Variants in LMBRD1 observed in about 807,000 individuals in gnomAD.
LMBRD1 encodes the protein lysosomal cobalamin transport escort protein LMBD1.
Under a neutral mutation model 74.8 loss-of-function variants are expected in LMBRD1, and 64 were observed. That is an observed-to-expected ratio of 0.86 (90% CI 0.70 to 1.05). The LOEUF (loss-of-function observed/expected upper bound fraction) is 1.05, where lower values mean the gene tolerates loss of function less well. LMBRD1 is among the 50% of genes least tolerant of loss of function. The pLI is 0.00. For missense variants in LMBRD1, 652 were observed against 645.9 expected, an observed-to-expected ratio of 1.01 and a Z score of -0.10; for synonymous variants, 204 against 216.3, an observed-to-expected ratio of 0.94 and a Z score of 0.50.
At chr6:69,687,458 T>A (rs1380231763) in intron 14 of LMBRD1, among the ~76,000 whole-genome samples, 1 of 152,204 alleles carries the variant, frequency 6.6e-6, no homozygotes, top group Non-Finnish European at 1.5e-5. Flanking sequence ...GCACCTAGAA[T>A]AGTACCTAGC....
intron 14 of LMBRD1, among the ~76,000 whole-genome samples, chr6:69,679,493 A>G (rs1765618019): frequency 6.6e-6 from 1 of 152,130 alleles, no homozygotes; most frequent in Non-Finnish European, 1.5e-5. Context: ...ATACCATTGG[A>G]GTACTCAAAT....
At chr6:69,708,506 G>A (rs570086320) in intron 9 of LMBRD1, among the ~76,000 whole-genome samples, 1 of 152,222 alleles carries the variant, frequency 6.6e-6, no homozygotes, top group South Asian at 2.1e-4. Flanking sequence ...AAAAGCTTAA[G>A]TAAGAAGTTA....
At chr6:69,708,278 A>G (rs1352343251) in intron 9 of LMBRD1, among the ~76,000 whole-genome samples, 1 of 152,182 alleles carries the variant, frequency 6.6e-6, no homozygotes, top group East Asian at 1.9e-4. Flanking sequence ...GCTTATTTTT[A>G]TAATTGTCTT....
In LMBRD1 at chr6:69,716,985, CACAA is replaced by C. The variant is rs776767909; in HGVS notation, c.762+1967_762+1970del. Among the ~76,000 whole-genome samples, 401 of 151,682 alleles carry C rather than the reference CACAA, an allele frequency of 2.6e-3. 6 individuals carry two copies. Among genetic ancestry groups the C allele is most frequent in the East Asian group, 6.0e-3 (31 of 5,178 alleles). On this transcript the variant is annotated intron_variant, in intron 8 of 15. Transcript: ENST00000649934. Reference sequence around the variant, plus strand: ...TAAAAAGTTGTATATTTTATATACTCACAAACAGTCTATCTAATCCCCAAATTCT... The same window carrying C: ...TAAAAAGTTGTATATTTTATATACTCACAGTCTATCTAATCCCCAAATTCT...
At chr6:69,678,849 A>G (rs1765601683) in intron 14 of LMBRD1, among the ~76,000 whole-genome samples, 1 of 152,074 alleles carries the variant, frequency 6.6e-6, no homozygotes, top group African/African-American at 2.4e-5. Flanking sequence ...TTCCTGTCAC[A>G]TGGTTTTCCA....
intron 6 of LMBRD1, 79 bp from the exon 7 acceptor site, chr6:69,738,094 C>T (rs1767014624): frequency 9.5e-7 from 1 of 1,056,136 alleles, no homozygotes; most frequent in African/African-American, 1.6e-5. Flanking sequence ...ACATAGAAAG[C>T]TGAGCTGCTT....
intron 7 of LMBRD1, among the ~76,000 whole-genome samples, chr6:69,729,021 G>C (rs1310219626): frequency 6.6e-6 from 1 of 151,434 alleles, no homozygotes; most frequent in African/African-American, 2.4e-5. Context: ...TACAATTATT[G>C]GTTGGTATTG....
intron 14 of LMBRD1, among the ~76,000 whole-genome samples, chr6:69,686,250 G>T (rs141571831): frequency 1.3e-5 from 2 of 151,968 alleles, no homozygotes; most frequent in African/African-American, 2.4e-5. Flanking sequence ...AATAATTCTC[G>T]TTTAGAGTTC....
chr6:69,726,372 T>A (rs1360594427), intron 7 of LMBRD1, among the ~76,000 whole-genome samples: 1 of 152,198 alleles, frequency 6.6e-6, no homozygotes, highest in African/African-American at 2.4e-5. Context: ...AATCCCACTA[T>A]TTGGCACATA....
chr6:69,704,288 CG>C (rs942831610), intron 9 of LMBRD1, among the ~76,000 whole-genome samples: 3 of 152,016 alleles, frequency 2.0e-5, no homozygotes, highest in Non-Finnish European at 2.9e-5. Flanking sequence ...AGAAACAATA[CG>C]TTTTTTTCTG....
intron 9 of LMBRD1, among the ~76,000 whole-genome samples, chr6:69,703,450 T>C (rs1766177662): frequency 7.1e-6 from 1 of 139,930 alleles, no homozygotes; most frequent in Non-Finnish European, 1.5e-5. Flanking sequence ...TGGTATCCAT[T>C]TTGGCAAAAA....
At position 69,701,995 on chromosome 6, in the gene LMBRD1, T is replaced by C. The variant is rs377178481; in HGVS notation, c.916-42A>G. 1.7e-4 allele frequency: 211 copies of C among 1,258,552 alleles called. No individual in the cohort carries two copies. In the African/African-American group the frequency reaches 2.8e-3, roughly 17 times the overall value. 78.0% of individuals were successfully genotyped at this position (1,258,552 alleles called of 1,614,324 possible). ...ATTCATTAAAATATAGTTCTAAAAGTTGATATTAAAAGCACAAAATCATTA... is the reference window on the plus strand; with the variant it reads ...ATTCATTAAAATATAGTTCTAAAAGCTGATATTAAAAGCACAAAATCATTA... On this transcript the variant is annotated intron_variant, in intron 9 of 15. Coordinates refer to ENST00000649934, the MANE Select transcript of LMBRD1 (RefSeq NM_018368.4).
intron 2 of LMBRD1, among the ~76,000 whole-genome samples, chr6:69,789,131 CA>C (rs1766024794): frequency 6.6e-6 from 1 of 151,948 alleles, no homozygotes; most frequent in African/African-American, 2.4e-5. Context: ...AAATGGTGTA[CA>C]GAAAAAAAAT....
chr6:69,789,443 C>T (rs1766032387), intron 2 of LMBRD1, among the ~76,000 whole-genome samples: 2 of 152,044 alleles, frequency 1.3e-5, no homozygotes, highest in South Asian at 4.1e-4. Flanking sequence ...ACGAGAATCG[C>T]TTGAACCCAG....
rs1331201845 is a variant in LMBRD1 at position 69,790,321 on chromosome 6, A to T, written c.221T>A (p.Met74Lys). 1.9e-6 allele frequency: 3 copies of T among 1,612,278 alleles called. No individual in the cohort carries two copies. The highest frequency in any genetic ancestry group is 2.5e-6 in the Non-Finnish European group (3 of 1,178,578). ...LPVDIFLVSY[M>K]KNQNGTFKDW... ...CTTAAATGTACCATTTTGATTTTTC[A>T]TGTAAGAAACCAAAAATATATCCAC... The change falls in exon 2 of 16, where the codon ATG (methionine) becomes AAG (lysine). Residue 74 changes from methionine (M) to lysine (K), a missense_variant. Physicochemically the swap from Met to Lys is moderately conservative, Grantham distance 95. Coordinates refer to ENST00000649934, the MANE Select transcript of LMBRD1 (RefSeq NM_018368.4).
At chr6:69,761,771 T>C (rs138841194) in intron 3 of LMBRD1, among the ~76,000 whole-genome samples, 2 of 144,196 alleles carry the variant, frequency 1.4e-5, no homozygotes, top group Non-Finnish European at 3.0e-5. Flanking sequence ...CCAAAAAAAG[T>C]TGTTTTGTGC....
intron 6 of LMBRD1, among the ~76,000 whole-genome samples, chr6:69,738,812 G>A (rs1235157457): frequency 6.6e-6 from 1 of 152,020 alleles, no homozygotes; most frequent in East Asian, 1.9e-4. Context: ...GGCCTGTATT[G>A]AGCGAGTTTA....
chr6:69,774,971 AAGGAAGGAAGGAAGGAAGGGAGGG>A (rs1765660414), intron 3 of LMBRD1, among the ~76,000 whole-genome samples: 2 of 43,120 alleles, frequency 4.6e-5, no homozygotes, highest in African/African-American at 2.1e-4. Flanking sequence ...GGAAGGAAGG[AAGGAAGGAAGGAAGGAAGGGAGGG>A]AGGGAGGGAG....
chr6:69,765,155 T>G lies in LMBRD1; in HGVS notation c.308-12799A>C, dbSNP rs201324091. Among the ~76,000 whole-genome samples, 22 of 152,208 alleles carry G rather than the reference T, an allele frequency of 1.4e-4. No individual in the cohort carries two copies. The East Asian group carries it at 4.2e-3, about 29-fold the overall frequency. ...CATGTTGGCCAGGCTGGTCTTGAAC[T>G]CCTGACCTCAAGTGATCTGCCAGCC... On this transcript the variant is annotated intron_variant, in intron 3 of 15. Coordinates refer to ENST00000649934, the MANE Select transcript of LMBRD1 (RefSeq NM_018368.4).
Sources: gnomAD v4.1 joint callset for allele counts (sites outside exome capture counted in the v4.1 genomes callset) on GRCh38, gnomAD v4.1.1 for gene constraint, MANE v1.5 for transcripts, NCBI Gene and HGNC (gene_info 2026-07-23, HGNC 2026-07-21) for gene names.